The following TRIM11 variants were observed in gnomAD, a reference collection of about 807,000 sequenced individuals.
The protein encoded by TRIM11 is tripartite motif containing 11.
In TRIM11, 15 loss-of-function variants were observed where a neutral mutation model predicts 33.4. The ratio of observed to expected loss-of-function variants is 0.45; its 90% CI spans 0.30 to 0.69. The LOEUF is 0.69. Ranked by LOEUF, TRIM11 falls within the 30% of genes least tolerant of loss-of-function variation. The probability of loss-of-function intolerance (pLI) is 0.08; values close to 1 mark genes in which losing one functional copy is unlikely to be tolerated. For synonymous variants in TRIM11, 281 were observed against 302.6 expected (o/e 0.93, Z 0.74); for missense variants, 499 against 667.6 (o/e 0.75, Z 2.78).
At position 228,406,352 on chromosome 1, in the gene TRIM11, C is replaced by T. The variant is rs769788778; in HGVS notation, c.210G>A (p.Pro70=). 1 of 1,491,636 alleles carries T rather than the reference C, an allele frequency of 6.7e-7. No individual in the cohort carries two copies. The highest frequency in any genetic ancestry group is 2.2e-5 in the Admixed American group (1 of 45,678). 92.4% of individuals were successfully genotyped at this position (1,491,636 alleles called of 1,614,324 possible). ...SPQRNLRPNR[P]LAKMAEMARR... ...GCGCCATCTCGGCCATCTTAGCAAG[C>T]GGGCGGTTGGGCCGCAGGTTCCTCT... Residue 70 remains proline (P), a synonymous_variant, in exon 1 of 6, where the codon CCG becomes CCA. Transcript: ENST00000284551. This position sits in a 1 kb window ranked among gnomAD's most constrained non-coding sequence, Gnocchi z 8.2.
At chr1:228,396,606 G>T in intron 5 of TRIM11, 1 of 676,256 alleles carries the variant, frequency 1.5e-6, no homozygotes, top group South Asian at 1.6e-5. Context: ...TGGAAGTTGT[G>T]ACTGGCATCT....
Position 228,406,303 on chromosome 1 carries a change from C to G in TRIM11, c.259G>C (p.Val87Leu). The change falls in exon 1 of 6, where the codon GTC becomes CTC. Residue 87 changes from valine to leucine, a missense_variant. Coordinates refer to ENST00000284551, the MANE Select transcript of TRIM11 (RefSeq NM_145214.3). This position sits in a 1 kb window ranked among gnomAD's most constrained non-coding sequence, Gnocchi z 8.2. The stretch of plus-strand genomic sequence containing the variant: ...TGCGCGGGGCACACGCCCTGCGGGA[C>G]CGGCGACGGCGGGTGCAGGCGCCGC... Reference protein sequence around the residue: ...MARRLHPPSPVPQGVCPAHRE... With the variant: ...MARRLHPPSPLPQGVCPAHRE... 1 of 1,474,396 alleles carries G rather than the reference C, an allele frequency of 6.8e-7. No homozygotes were observed. The highest frequency in any genetic ancestry group is 8.9e-7 in the Non-Finnish European group (1 of 1,117,746). The allele number at this position is 1,474,396 out of a possible 1,614,324, so 91.3% of individuals were successfully genotyped here.
In TRIM11 at chr1:228,394,737, CT is replaced by C; in HGVS notation, c.1374del (p.Gly459ValfsTer55). The C allele has an allele frequency of 6.2e-7, 1 of 1,610,198 alleles. No homozygotes were observed. The highest frequency in any genetic ancestry group is 8.5e-7 in the Non-Finnish European group (1 of 1,177,246). ...SPTPMTICRP[K>X]GGSGDTLAPQ ...GGAGCCAGGGTGTCCCCGGACCCAC[CT>C]TTCGGCCGGCAGATAGTCATCGGGG... On this transcript the variant is annotated frameshift_variant, in exon 6 of 6. Transcript: ENST00000284551. LOFTEE classifies it high-confidence loss of function. This position sits in a 1 kb window ranked among gnomAD's most constrained non-coding sequence, Gnocchi z 6.2.
intron 1 of TRIM11, 102 bp from the exon 2 acceptor site, chr1:228,402,263 A>C: frequency 1.2e-6 from 1 of 810,680 alleles, no homozygotes; most frequent in South Asian, 1.9e-5. Context: ...CAATGGGGAC[A>C]AACTGAAATC....
In TRIM11 at chr1:228,406,098, C is replaced by CG; in HGVS notation, c.408+55_408+56insC. 1 of 1,089,456 alleles carries CG rather than the reference C, an allele frequency of 9.2e-7. No individual in the cohort carries two copies. Among genetic ancestry groups the CG allele is most frequent in the Non-Finnish European group, 1.2e-6 (1 of 824,386 alleles). 67.5% of individuals were successfully genotyped at this position (1,089,456 alleles called of 1,614,324 possible). A position where few individuals can be genotyped will look rare whatever the true frequency, so the allele number is the denominator to read the frequency against. ...CCCCCAAACCTCCCACCCGCCCAGG[C>CG]CTCCCCAGTCCCCGGCTCCCCGACG... On this transcript the variant is annotated intron_variant, in intron 1 of 5. Transcript: ENST00000284551. The surrounding 1 kb of genome is among the most constrained non-coding windows in gnomAD (Gnocchi z 8.2).
In TRIM11 at chr1:228,406,150, G is replaced by A; in HGVS notation, c.408+4C>T. ...CCCTGCACGCCACCCCCGCCCAGGA[G>A]CACCTTGAGGTCTTCGGCCGCGTCC... On this transcript the variant is annotated splice_donor_region_variant and intron_variant, in intron 1 of 5. Transcript: ENST00000284551. The surrounding 1 kb of genome is among the most constrained non-coding windows in gnomAD (Gnocchi z 8.2). The A allele has an allele frequency of 7.3e-7, 1 of 1,373,712 alleles. No individual in the cohort carries two copies. Among genetic ancestry groups the A allele is most frequent in the Non-Finnish European group, 9.4e-7 (1 of 1,069,326 alleles). The allele number at this position is 1,373,712 out of a possible 1,614,324, so 85.1% of individuals were successfully genotyped here.
At position 228,396,949 on chromosome 1, in the gene TRIM11, C is replaced by G. The variant is rs763077315; in HGVS notation, c.857G>C (p.Arg286Pro). ...PGLVETLRRF[R>P]GDVTLDPDTA... ...CCACCTGGGGCCTCCACACCTACCT[C>G]GAAACCTCCGCAGTGTCTCTACCAG... is the stretch of plus-strand genomic sequence containing the variant. Residue 286 changes from arginine (R) to proline (P), a missense_variant and splice_region_variant, in exon 5 of 6, where the codon CGA (arginine) becomes CCA (proline). Coordinates refer to ENST00000284551, the MANE Select transcript of TRIM11 (RefSeq NM_145214.3). 1.2e-6 allele frequency: 2 copies of G among 1,614,024 alleles called. No individual in the cohort carries two copies. Among genetic ancestry groups the G allele is most frequent in the South Asian group, 2.2e-5 (2 of 91,092 alleles).
Position 228,401,201 on chromosome 1 carries a change from A to C in TRIM11, c.505-7T>G. 1 of 1,611,324 alleles carries C rather than the reference A, an allele frequency of 6.2e-7. No homozygotes were observed. Among genetic ancestry groups the C allele is most frequent in the Non-Finnish European group, 8.5e-7 (1 of 1,178,572 alleles). On this transcript the variant is annotated splice_region_variant and splice_polypyrimidine_tract_variant and intron_variant, in intron 2 of 5. Coordinates refer to ENST00000284551, the MANE Select transcript of TRIM11 (RefSeq NM_145214.3). This position sits in a 1 kb window ranked among gnomAD's most constrained non-coding sequence, Gnocchi z 6.1. Reference sequence around the variant, plus strand: ...GCTGGCTCTCCACCATCTTCTGTGGAGCCCAGGGAGAAGGACAGCTGAGGC... The same window carrying C: ...GCTGGCTCTCCACCATCTTCTGTGGCGCCCAGGGAGAAGGACAGCTGAGGC...
At position 228,400,924 on chromosome 1, in the gene TRIM11, T is replaced by C. The variant is rs1656185972; in HGVS notation, c.735+40A>G. The C allele has an allele frequency of 6.7e-7, 1 of 1,498,278 alleles. No homozygotes were observed. 92.8% of individuals were successfully genotyped at this position (1,498,278 alleles called of 1,614,324 possible). ...TCCCTCCCCCAGTGTGGCCAGGCCATGCCCGTGTGGCCACCATGGCTGCTC... is the reference window on the plus strand; with the variant it reads ...TCCCTCCCCCAGTGTGGCCAGGCCACGCCCGTGTGGCCACCATGGCTGCTC... On this transcript the variant is annotated intron_variant, in intron 3 of 5. Transcript: ENST00000284551. This position sits in a 1 kb window ranked among gnomAD's most constrained non-coding sequence, Gnocchi z 4.5.
chr1:228,400,820 A>G lies in TRIM11; in HGVS notation c.735+144T>C. The G allele has an allele frequency of 7.1e-7, 1 of 1,400,362 alleles. No homozygotes were observed. Among genetic ancestry groups the G allele is most frequent in the East Asian group, 2.6e-5 (1 of 38,282 alleles). The allele number at this position is 1,400,362 out of a possible 1,614,324, so 86.7% of individuals were successfully genotyped here. ...GCTGACTCAGCATTTCACAGGCAAC[A>G]GCCAGGCACATCCAGCCATGCCATT... On this transcript the variant is annotated intron_variant, in intron 3 of 5. Transcript: ENST00000284551. This position sits in a 1 kb window ranked among gnomAD's most constrained non-coding sequence, Gnocchi z 4.5.
chr1:228,406,723 G>T lies in TRIM11; in HGVS notation c.-162C>A. 1 of 599,174 alleles carries T rather than the reference G, an allele frequency of 1.7e-6. No homozygotes were observed. Among genetic ancestry groups the T allele is most frequent in the Non-Finnish European group, 2.5e-6 (1 of 404,898 alleles). 37.1% of individuals were successfully genotyped at this position (599,174 alleles called of 1,614,324 possible). The stretch of plus-strand genomic sequence containing the variant: ...GGGTGCTCGGGCTCCGGGGCGCGGG[G>T]ACTCCAGGGCGCAGGACTCTGGGTT... On this transcript the variant is annotated 5_prime_UTR_variant, in exon 1 of 6. Coordinates refer to ENST00000284551, the MANE Select transcript of TRIM11 (RefSeq NM_145214.3). This position sits in a 1 kb window ranked among gnomAD's most constrained non-coding sequence, Gnocchi z 8.2.
Position 228,396,990 on chromosome 1 carries a change from C to A in TRIM11, c.816G>T (p.Val272=), listed in dbSNP as rs371952104. The A allele has an allele frequency of 6.2e-7, 1 of 1,614,012 alleles. No individual in the cohort carries two copies. The highest frequency in any genetic ancestry group is 1.3e-5 in the African/African-American group (1 of 74,908). The change falls in exon 5 of 6, where the codon GTG becomes GTT. Residue 272 remains valine (V), a synonymous_variant. Coordinates refer to ENST00000284551, the MANE Select transcript of TRIM11 (RefSeq NM_145214.3). ...TCTCTACCAGTCCCGGGACCCTGCA[C>A]ACGGTCCTCAGCTCCATAGGCACAA... The part of the protein sequence containing the change: ...PEVVPMELRT[V]CRVPGLVETL...
Position 228,400,904 on chromosome 1 carries a change from C to A in TRIM11, c.735+60G>T. The A allele has an allele frequency of 6.9e-7, 1 of 1,451,458 alleles. No individual in the cohort carries two copies. Among genetic ancestry groups the A allele is most frequent in the Non-Finnish European group, 9.0e-7 (1 of 1,105,070 alleles). The allele number at this position is 1,451,458 out of a possible 1,614,324, so 89.9% of individuals were successfully genotyped here. A position where few individuals can be genotyped will look rare whatever the true frequency, so the allele number is the denominator to read the frequency against. ...CTTCTTGCACTTTCTGGTTCTCCCT[C>A]CCCCAGTGTGGCCAGGCCATGCCCG... On this transcript the variant is annotated intron_variant, in intron 3 of 5. Coordinates refer to ENST00000284551, the MANE Select transcript of TRIM11 (RefSeq NM_145214.3). The surrounding 1 kb of genome is among the most constrained non-coding windows in gnomAD (Gnocchi z 4.5).
chr1:228,401,292 C>G lies in TRIM11; in HGVS notation c.505-98G>C, dbSNP rs546047788. 1 of 1,400,484 alleles carries G rather than the reference C, an allele frequency of 7.1e-7. No homozygotes were observed. The highest frequency in any genetic ancestry group is 2.5e-5 in the East Asian group (1 of 40,094). 86.8% of individuals were successfully genotyped at this position (1,400,484 alleles called of 1,614,324 possible). A position where few individuals can be genotyped will look rare whatever the true frequency, so the allele number is the denominator to read the frequency against. On this transcript the variant is annotated intron_variant, in intron 2 of 5. Transcript: ENST00000284551. The surrounding 1 kb of genome is among the most constrained non-coding windows in gnomAD (Gnocchi z 6.1). ...CCAAGCCCACCCAGAGGCCTGGCTG[C>G]ACCCAACCCCACCCCCGGGGCCTGC...
At chr1:228,402,438 C>A (rs142547776) in intron 1 of TRIM11, 8 of 288,382 alleles carry the variant, frequency 2.8e-5, no homozygotes, top group Admixed American at 5.3e-5. Flanking sequence ...GGCCTCACCC[C>A]CCTTTGCAAA....
chr1:228,401,235 AG>A lies in TRIM11; in HGVS notation c.505-42del. On this transcript the variant is annotated intron_variant, in intron 2 of 5. Coordinates refer to ENST00000284551, the MANE Select transcript of TRIM11 (RefSeq NM_145214.3). The surrounding 1 kb of genome is among the most constrained non-coding windows in gnomAD (Gnocchi z 6.1). Reference sequence around the variant, plus strand: ...AGAAGGACAGCTGAGGCCAGACCCCAGGCCCAGCCAGACCCCAAGTTTGGTC... The same window carrying A: ...AGAAGGACAGCTGAGGCCAGACCCCAGCCCAGCCAGACCCCAAGTTTGGTC... 1 of 1,585,474 alleles carries A rather than the reference AG, an allele frequency of 6.3e-7. No individual in the cohort carries two copies.
At chr1:228,398,859 G>A (rs1176043979) in intron 3 of TRIM11, among the ~76,000 whole-genome samples, 1 of 152,090 alleles carries the variant, frequency 6.6e-6, no homozygotes, top group Non-Finnish European at 1.5e-5. Context: ...TCACAAGGCC[G>A]GGTGCAGGGG....
chr1:228,399,879 C>A (rs201758458), intron 3 of TRIM11, among the ~76,000 whole-genome samples: 246 of 115,860 alleles, frequency 2.1e-3, no homozygotes, highest in Non-Finnish European at 2.4e-3. Flanking sequence ...CTTAAATCTA[C>A]AAAAAAAAAA....
At position 228,395,757 on chromosome 1, in the gene TRIM11, C is replaced by A. The variant is rs1242892971; in HGVS notation, c.860-505G>T. 1 of 152,610 alleles carries A rather than the reference C, an allele frequency of 6.6e-6. No individual in the cohort carries two copies. Among genetic ancestry groups the A allele is most frequent in the East Asian group, 1.9e-4 (1 of 5,182 alleles). The allele number at this position is 152,610 out of a possible 1,614,324, so 9.5% of individuals were successfully genotyped here. The stretch of plus-strand genomic sequence containing the variant: ...TCCCGGGTTGGTCTTGAACTGATGG[C>A]CTCAAGCAATCCTCCCGCCTGAGCC... On this transcript the variant is annotated intron_variant, in intron 5 of 5. Transcript: ENST00000284551. The surrounding 1 kb of genome is among the most constrained non-coding windows in gnomAD (Gnocchi z 4.8).
Sources: gnomAD v4.1 joint callset for allele counts (sites outside exome capture counted in the v4.1 genomes callset) on GRCh38, gnomAD v4.1.1 for gene constraint, Gnocchi (gnomAD v3.1) non-coding constraint, MANE v1.5 for transcripts, NCBI Gene and HGNC (gene_info 2026-07-23, HGNC 2026-07-21) for gene names.